Variants in MAN2A1 observed in about 807,000 individuals in gnomAD.
MAN2A1 encodes the protein alpha-mannosidase 2.
In MAN2A1, 76 loss-of-function variants were observed where a neutral mutation model predicts 142.6. The ratio of observed to expected loss-of-function variants is 0.53; its 90% CI spans 0.44 to 0.65. The LOEUF (loss-of-function observed/expected upper bound fraction) is 0.65. Ranked by LOEUF, MAN2A1 falls within the 30% of genes least tolerant of loss-of-function variation. The pLI, the probability that MAN2A1 is intolerant of heterozygous loss-of-function variation, is 0.00. For missense variants in MAN2A1, 1,311 were observed against 1,365.1 expected (o/e 0.96, Z 0.62); for synonymous variants, 559 against 473.2 (o/e 1.18, Z -2.35).
chr5:109,817,573 G>T, intron 13 of MAN2A1, 135 bp downstream of exon 13: 1 of 763,270 alleles, frequency 1.3e-6, no homozygotes, highest in Non-Finnish European at 2.1e-6. Context: ...AAATACCAGA[G>T]AGTTTAACTG....
chr5:109,741,806 C>G (rs1311235512), intron 4 of MAN2A1, among the ~76,000 whole-genome samples: 1 of 152,142 alleles, frequency 6.6e-6, no homozygotes, highest in African/African-American at 2.4e-5. Flanking sequence ...TAAACAACAT[C>G]TATATTTTCT....
intron 17 of MAN2A1, 42 bp from the exon 18 acceptor site, chr5:109,845,822 TG>T (rs763050969): frequency 6.5e-7 from 1 of 1,548,938 alleles, no homozygotes; most frequent in Admixed American, 1.9e-5. Context: ...AAAGAACATA[TG>T]TAAATATCAC....
chr5:109,725,359 A>G (rs959484099), intron 3 of MAN2A1, among the ~76,000 whole-genome samples: 2 of 152,316 alleles, frequency 1.3e-5, no homozygotes, highest in Admixed American at 1.3e-4. Context: ...CCTGTCCCAA[A>G]CCAGGAAGGA....
chr5:109,790,298 A>G (rs1271494768), intron 12 of MAN2A1, among the ~76,000 whole-genome samples: 1 of 151,830 alleles, frequency 6.6e-6, no homozygotes, highest in Non-Finnish European at 1.5e-5. Flanking sequence ...TTTCAACTAA[A>G]TATATTTTAT....
At chr5:109,841,582 A>G (rs573438461) in intron 16 of MAN2A1, among the ~76,000 whole-genome samples, 10 of 152,308 alleles carry the variant, frequency 6.6e-5, no homozygotes, top group African/African-American at 1.7e-4. Context: ...TGAAGATACA[A>G]TTAAAGTAGA....
intron 4 of MAN2A1, among the ~76,000 whole-genome samples, chr5:109,752,247 C>G (rs1333892426): frequency 1.3e-5 from 2 of 152,192 alleles, no homozygotes; most frequent in Non-Finnish European, 2.9e-5. Flanking sequence ...CATATCATCT[C>G]ATACCTAGAT....
intron 19 of MAN2A1, chr5:109,854,694 A>G (rs563199194): frequency 2.0e-5 from 3 of 152,886 alleles, no homozygotes; most frequent in East Asian, 3.8e-4. Flanking sequence ...ATATGCCTTT[A>G]TGGTCTTGTT....
chr5:109,756,001 T>C (rs1052674333), intron 5 of MAN2A1, among the ~76,000 whole-genome samples: 3 of 151,986 alleles, frequency 2.0e-5, no homozygotes, highest in African/African-American at 7.3e-5. Context: ...GGAATTCTCT[T>C]TAATACTTTA....
chr5:109,858,800 A>G (rs1369054946), intron 20 of MAN2A1, among the ~76,000 whole-genome samples: 3 of 152,222 alleles, frequency 2.0e-5, no homozygotes, highest in African/African-American at 7.2e-5. Context: ...GCCGCTGTCT[A>G]AAGGTTTCTC....
At chr5:109,776,296 AAATAAACCT>A (rs1476047557) in intron 8 of MAN2A1, among the ~76,000 whole-genome samples, 1 of 152,110 alleles carries the variant, frequency 6.6e-6, no homozygotes, top group Non-Finnish European at 1.5e-5. Flanking sequence ...TCAAATAGAT[AAATAAACCT>A]AATAAAATAT....
chr5:109,740,787 T>C (rs2284989), intron 4 of MAN2A1, among the ~76,000 whole-genome samples: 26,675 of 152,156 alleles, frequency 0.18, 3,291 homozygotes, highest in East Asian at 0.64. Flanking sequence ...TGCAGGTCAG[T>C]ACTTGAATTA....
intron 19 of MAN2A1, chr5:109,853,709 A>G (rs1755539292): frequency 6.6e-6 from 1 of 152,200 alleles, no homozygotes; most frequent in Non-Finnish European, 1.5e-5. Flanking sequence ...AACTTAGATT[A>G]TGAAGTCCTT....
At chr5:109,817,132 C>A in intron 12 of MAN2A1, 141 bp from the exon 13 acceptor site, 1 of 767,670 alleles carries the variant, frequency 1.3e-6, no homozygotes, top group Non-Finnish European at 2.0e-6. Flanking sequence ...CCCCACTGCA[C>A]TCCAGCCTGG....
intron 5 of MAN2A1, among the ~76,000 whole-genome samples, chr5:109,755,680 A>T (rs1000209121): frequency 2.6e-5 from 4 of 152,010 alleles, no homozygotes; most frequent in Non-Finnish European, 4.4e-5. Context: ...TGTATTATTT[A>T]TCTATATTTT....
intron 4 of MAN2A1, among the ~76,000 whole-genome samples, chr5:109,752,519 G>A (rs1286295236): frequency 1.3e-5 from 2 of 152,152 alleles, no homozygotes; most frequent in African/African-American, 2.4e-5. Context: ...GGTAGAGGTC[G>A]GGAGGGAAAG....
At chr5:109,805,180 A>T (rs1361107235) in intron 12 of MAN2A1, among the ~76,000 whole-genome samples, 1 of 152,182 alleles carries the variant, frequency 6.6e-6, no homozygotes, top group Non-Finnish European at 1.5e-5. Context: ...AATTGGTGAC[A>T]AGACTCTTGG....
At chr5:109,755,790 G>A (rs756034316) in intron 5 of MAN2A1, among the ~76,000 whole-genome samples, 2 of 151,996 alleles carry the variant, frequency 1.3e-5, no homozygotes, top group African/African-American at 4.8e-5. Flanking sequence ...GCAAAAAAAG[G>A]AAAGAAAGAT....
chr5:109,756,337 G>A (rs1752687347), intron 5 of MAN2A1, among the ~76,000 whole-genome samples: 2 of 152,122 alleles, frequency 1.3e-5, no homozygotes, highest in Non-Finnish European at 1.5e-5. Flanking sequence ...TTTGCATTTT[G>A]TAACATGGTA....
intron 5 of MAN2A1, among the ~76,000 whole-genome samples, chr5:109,756,833 TACAA>T (rs1752702673): frequency 6.6e-6 from 1 of 152,194 alleles, no homozygotes; most frequent in African/African-American, 2.4e-5. Flanking sequence ...AATCTGTTTG[TACAA>T]ACAAAATAGT....
Sources: gnomAD v4.1 joint callset for allele counts (sites outside exome capture counted in the v4.1 genomes callset) on GRCh38, gnomAD v4.1.1 for gene constraint, MANE v1.5 for transcripts, NCBI Gene and HGNC (gene_info 2026-07-23, HGNC 2026-07-21) for gene names.